The following ITPRIPL1 variants were observed in gnomAD, a reference collection of about 807,000 sequenced individuals.
ITPRIPL1 encodes the protein ITPRIP like 1, also known as inositol 1,4,5-trisphosphate receptor-interacting protein-like 1.
Under a neutral mutation model 40.0 loss-of-function variants are expected in ITPRIPL1, and 28 were observed. That is an observed-to-expected ratio of 0.70 (90% CI 0.52 to 0.96). ITPRIPL1 has a LOEUF of 0.96. ITPRIPL1 is among the 40% of genes least tolerant of loss of function. The pLI is 0.00. For synonymous variants in ITPRIPL1, 251 were observed against 275.7 expected (o/e 0.91, Z 0.89); for missense variants, 638 against 698.0 (o/e 0.91, Z 0.97).
chr2:96,326,397 C>T (rs2064107240), intron 2 of ITPRIPL1: 1 of 1,531,040 alleles, frequency 6.5e-7, no homozygotes, highest in Non-Finnish European at 8.7e-7. Context: ...GCCTAAATAC[C>T]ACCCACACCA....
In ITPRIPL1 at chr2:96,327,459, GAAACT is replaced by G; in HGVS notation, c.829_833del (p.Lys277ProfsTer22). On this transcript the variant is annotated frameshift_variant, in exon 3 of 3. Transcript: ENST00000439118. LOFTEE classifies it high-confidence loss of function. ...AGTCAGAATGTGTGTGCAAGCGTGA[GAAACT>G]CCTAGGGGACGTGCTGTGCCTGGTG... 6.2e-7 allele frequency: 1 copy of G among 1,614,060 alleles called. No homozygotes were observed. The highest frequency in any genetic ancestry group is 8.5e-7 in the Non-Finnish European group (1 of 1,179,978).
chr2:96,327,449 G>C lies in ITPRIPL1; in HGVS notation c.818G>C (p.Cys273Ser). 1 of 1,614,014 alleles carries C rather than the reference G, an allele frequency of 6.2e-7. No homozygotes were observed. The highest frequency in any genetic ancestry group is 2.2e-5 in the East Asian group (1 of 44,880). ...GCVLVESECV[C>S]KREKLLGDVL... Reference sequence around the variant, plus strand: ...GTGCTGGTGGAGTCAGAATGTGTGTGCAAGCGTGAGAAACTCCTAGGGGAC... The same window carrying C: ...GTGCTGGTGGAGTCAGAATGTGTGTCCAAGCGTGAGAAACTCCTAGGGGAC... The change falls in exon 3 of 3, where the codon TGC becomes TCC. Residue 273 changes from cysteine (C) to serine (S), a missense_variant. Cys to Ser is a moderately radical substitution (Grantham distance 112, BLOSUM62 -1). Transcript: ENST00000439118.
chr2:96,329,866 C>G (rs932614157), downstream of ITPRIPL1: 1 of 152,068 alleles, frequency 6.6e-6, no homozygotes, highest in Non-Finnish European at 1.5e-5. Flanking sequence ...TAACCTGTCC[C>G]CACTGAACTT....
chr2:96,326,341 C>T lies in ITPRIPL1; in HGVS notation c.11-301C>T, dbSNP rs561131549. 40 of 1,485,222 alleles carry T rather than the reference C, an allele frequency of 2.7e-5. No homozygotes were observed. The African/African-American group carries it at 5.1e-4, about 19-fold the overall frequency. The allele number at this position is 1,485,222 out of a possible 1,614,324, so 92.0% of individuals were successfully genotyped here. A position where few individuals can be genotyped will look rare whatever the true frequency, so the allele number is the denominator to read the frequency against. On this transcript the variant is annotated intron_variant, in intron 2 of 2. Coordinates refer to ENST00000439118, the MANE Select transcript of ITPRIPL1 (RefSeq NM_001008949.3). ...CACCCTACCACAAGGGTCCCCCTCCCCATCCTACACAGGAATGAAAACAGT... is the reference window on the plus strand; with the variant it reads ...CACCCTACCACAAGGGTCCCCCTCCTCATCCTACACAGGAATGAAAACAGT...
downstream of ITPRIPL1, chr2:96,329,309 T>C (rs2064145056): frequency 6.6e-6 from 1 of 151,376 alleles, no homozygotes; most frequent in Non-Finnish European, 1.5e-5. Flanking sequence ...TTCACAAATA[T>C]TAAGTCAATA....
rs1313941697 is a variant in ITPRIPL1, at chr2:96,327,984, A to G, written c.1353A>G (p.Thr451=). Residue 451 remains threonine, a synonymous_variant, in exon 3 of 3, where the codon ACA becomes ACG. Transcript: ENST00000439118. The stretch of plus-strand genomic sequence containing the variant: ...TCCTCACTTCTTACCATTTTAAAAC[A>G]GCTCTCATGCACCTCTTGCTACGGC... ...RPILTSYHFK[T]ALMHLLLRLP... 6 of 1,614,062 alleles carry G rather than the reference A, an allele frequency of 3.7e-6. 1 individual carries two copies. The East Asian group carries it at 1.3e-4, about 36-fold the overall frequency.
downstream of ITPRIPL1, chr2:96,328,446 G>A: frequency 1.3e-6 from 1 of 776,006 alleles, no homozygotes; most frequent in Non-Finnish European, 2.0e-6. Context: ...GAGCGTGTGA[G>A]GTGGTCATGA....
Position 96,327,000 on chromosome 2 carries a change from CT to C in ITPRIPL1, c.372del (p.Phe124LeufsTer130). The C allele has an allele frequency of 6.2e-7, 1 of 1,614,226 alleles. No individual in the cohort carries two copies. The highest frequency in any genetic ancestry group is 8.5e-7 in the Non-Finnish European group (1 of 1,180,040). On this transcript the variant is annotated frameshift_variant, in exon 3 of 3. Coordinates refer to ENST00000439118, the MANE Select transcript of ITPRIPL1 (RefSeq NM_001008949.3). LOFTEE classifies it high-confidence loss of function. ...NTGLFCLFLV[F>X]ELLRQNMQHE... ...CTGGCCTCTTTTGCCTTTTTCTCGTCTTTGAGCTCCTGCGACAGAACATGCA... is the reference window on the plus strand; with the variant it reads ...CTGGCCTCTTTTGCCTTTTTCTCGTCTTGAGCTCCTGCGACAGAACATGCA...
In ITPRIPL1 at chr2:96,327,804, T is replaced by C. The variant is rs1177303885; in HGVS notation, c.1173T>C (p.Ser391=). Residue 391 remains serine (S), a synonymous_variant, in exon 3 of 3, where the codon AGT becomes AGC. Transcript: ENST00000439118. ...SQAPDQEQLT[S]VDWPESFVAC... ...CTCCTGACCAGGAGCAGCTCACCAGTGTGGACTGGCCTGAGTCCTTTGTGG... is the reference window on the plus strand; with the variant it reads ...CTCCTGACCAGGAGCAGCTCACCAGCGTGGACTGGCCTGAGTCCTTTGTGG... 1 of 1,614,164 alleles carries C rather than the reference T, an allele frequency of 6.2e-7. No individual in the cohort carries two copies. Among genetic ancestry groups the C allele is most frequent in the Non-Finnish European group, 8.5e-7 (1 of 1,180,030 alleles).
Position 96,327,696 on chromosome 2 carries a change from C to T in ITPRIPL1, c.1065C>T (p.Asp355=). ...PSTTSCKLRL[D]YRSGRFLSIH... is the part of the protein sequence containing the mutation. ...CCACCTCCTGCAAGCTCCGGCTGGA[C>T]TATCGCTCAGGCCGCTTTCTCTCAA... The change falls in exon 3 of 3, where the codon GAC becomes GAT. Residue 355 remains aspartate (D), a synonymous_variant. Transcript: ENST00000439118. 6.2e-7 allele frequency: 1 copy of T among 1,613,416 alleles called. No homozygotes were observed. The highest frequency in any genetic ancestry group is 1.1e-5 in the South Asian group (1 of 91,000).
chr2:96,327,346 G>A lies in ITPRIPL1; in HGVS notation c.715G>A (p.Val239Met), dbSNP rs759649919. 1.2e-6 allele frequency: 2 copies of A among 1,614,122 alleles called. No homozygotes were observed. The highest frequency in any genetic ancestry group is 1.7e-6 in the Non-Finnish European group (2 of 1,180,020). ...LHETQKFDILVPIVPPQGTMF... is the reference protein window; with the variant it reads ...LHETQKFDILMPIVPPQGTMF... Reference sequence around the variant, plus strand: ...TGAGACCCAGAAATTTGATATCCTGGTGCCCATTGTCCCCCCACAGGGCAC... The same window carrying A: ...TGAGACCCAGAAATTTGATATCCTGATGCCCATTGTCCCCCCACAGGGCAC... The change falls in exon 3 of 3, where the codon GTG becomes ATG. Residue 239 changes from valine (V) to methionine (M), a missense_variant. By Grantham distance (21) the Val-to-Met change is conservative. Coordinates refer to ENST00000439118, the MANE Select transcript of ITPRIPL1 (RefSeq NM_001008949.3).
Position 96,327,665 on chromosome 2 carries a change from C to T in ITPRIPL1, c.1034C>T (p.Pro345Leu), listed in dbSNP as rs201330933. The T allele has an allele frequency of 6.2e-5, 100 of 1,613,106 alleles. No homozygotes were observed. Among genetic ancestry groups the T allele is most frequent in the Middle Eastern group, 1.6e-4 (1 of 6,074 alleles). ...TATGACTTTAAACTCAGTCTCCCAC[C>T]GTCTACCACCTCCTGCAAGCTCCGG... ...HKYDFKLSLP[P>L]STTSCKLRLD... The change falls in exon 3 of 3, where the codon CCG becomes CTG. Residue 345 changes from proline to leucine, a missense_variant. Coordinates refer to ENST00000439118, the MANE Select transcript of ITPRIPL1 (RefSeq NM_001008949.3).
Position 96,326,836 on chromosome 2 carries a change from A to G in ITPRIPL1, c.205A>G (p.Arg69Gly). Residue 69 changes from arginine (R) to glycine (G), a missense_variant, in exon 3 of 3, where the codon AGG becomes GGG. By Grantham distance (125) the Arg-to-Gly change is moderately radical. Coordinates refer to ENST00000439118, the MANE Select transcript of ITPRIPL1 (RefSeq NM_001008949.3). ...FEERKRAAEQ[R>G]QKAENFWTGD... is the part of the protein sequence containing the mutation. ...AGAGAGAAAGCGAGCCGCTGAGCAG[A>G]GGCAGAAGGCAGAGAACTTCTGGAC... 1 of 1,614,232 alleles carries G rather than the reference A, an allele frequency of 6.2e-7. No homozygotes were observed. Among genetic ancestry groups the G allele is most frequent in the Admixed American group, 1.7e-5 (1 of 60,032 alleles).
rs1181915451 is a variant in ITPRIPL1, at chr2:96,326,292, G to A, written c.11-350G>A. The A allele has an allele frequency of 2.8e-6, 4 of 1,451,352 alleles. No individual in the cohort carries two copies. The South Asian group carries it at 3.6e-5, about 13-fold the overall frequency. 89.9% of individuals were successfully genotyped at this position (1,451,352 alleles called of 1,614,324 possible). On this transcript the variant is annotated intron_variant, in intron 2 of 2. Coordinates refer to ENST00000439118, the MANE Select transcript of ITPRIPL1 (RefSeq NM_001008949.3). ...CAGCAGGTCATATCTGGTGCCCATG[G>A]TTGACTGAGGAGTCGGGTGAGGCCA... is the stretch of plus-strand genomic sequence containing the variant.
downstream of ITPRIPL1, chr2:96,329,759 G>A (rs1256290724): frequency 6.6e-6 from 1 of 151,974 alleles, no homozygotes; most frequent in Non-Finnish European, 1.5e-5. Flanking sequence ...ATGCTGAGGA[G>A]GAGTGTTAAG....
At chr2:96,326,192 G>A (rs572776211) in intron 2 of ITPRIPL1, 8 of 1,454,522 alleles carry the variant, frequency 5.5e-6, no homozygotes, top group Non-Finnish European at 7.3e-6. Context: ...TGCTACAACT[G>A]GCTGCCGGGG....
chr2:96,325,808 C>G lies in ITPRIPL1; in HGVS notation c.-32C>G, dbSNP rs1558779387. 1.2e-6 allele frequency: 2 copies of G among 1,613,448 alleles called. No homozygotes were observed. The highest frequency in any genetic ancestry group is 8.5e-7 in the Non-Finnish European group (1 of 1,179,384). On this transcript the variant is annotated 5_prime_UTR_variant, in exon 2 of 3. Coordinates refer to ENST00000439118, the MANE Select transcript of ITPRIPL1 (RefSeq NM_001008949.3). Reference sequence around the variant, plus strand: ...AGTTCCAAAGGGAGGATAGGCCCAGCTGGCTTCAGCGTCCACACGGCATAG... The same window carrying G: ...AGTTCCAAAGGGAGGATAGGCCCAGGTGGCTTCAGCGTCCACACGGCATAG...
rs1028599656 is a variant in ITPRIPL1, at chr2:96,328,317, A to C, written c.*18A>C. On this transcript the variant is annotated 3_prime_UTR_variant, in exon 3 of 3. Coordinates refer to ENST00000439118, the MANE Select transcript of ITPRIPL1 (RefSeq NM_001008949.3). ...CACCTTGATGTAAAGACCATTAAAA[A>C]AAAAACAGAGGAAGGTATTTCTAAT... 3 of 1,574,490 alleles carry C rather than the reference A, an allele frequency of 1.9e-6. No individual in the cohort carries two copies. In the African/African-American group the frequency reaches 4.1e-5, roughly 22 times the overall value.
intron 2 of ITPRIPL1, 122 bp downstream of exon 2, chr2:96,325,971 A>C: frequency 8.1e-7 from 1 of 1,230,772 alleles, no homozygotes; most frequent in South Asian, 1.2e-5. Flanking sequence ...CTGGTTCTGC[A>C]GACAGTTTTC....
Sources: gnomAD v4.1 joint callset for allele counts on GRCh38, gnomAD v4.1.1 for gene constraint, MANE v1.5 for transcripts, NCBI Gene and HGNC (gene_info 2026-07-23, HGNC 2026-07-21) for gene names.